The following KATNAL1 variants were observed in gnomAD, a reference collection of about 807,000 sequenced individuals.
The protein encoded by KATNAL1 is katanin p60 ATPase-containing subunit A-like 1.
In KATNAL1, 32 loss-of-function variants were observed where a neutral mutation model predicts 55.2. The ratio of observed to expected loss-of-function variants is 0.58; its 90% CI spans 0.44 to 0.78. The LOEUF is 0.78. Among genes scored for constraint, KATNAL1 ranks in the 30% least tolerant of loss-of-function variants. The pLI is 0.00. For synonymous variants in KATNAL1, 193 were observed against 193.6 expected (o/e 1.00, Z 0.02); for missense variants, 466 against 600.9 (o/e 0.78, Z 2.35).
At chr13:30,246,275 C>G (rs954052743) in intron 4 of KATNAL1, among the ~76,000 whole-genome samples, 1 of 152,108 alleles carries the variant, frequency 6.6e-6, no homozygotes, top group East Asian at 1.9e-4. Context: ...ACAAACCTGA[C>G]AAAAACAAGC....
At chr13:30,212,463 C>T (rs1260378130) in intron 9 of KATNAL1, among the ~76,000 whole-genome samples, 2 of 152,210 alleles carry the variant, frequency 1.3e-5, no homozygotes, top group East Asian at 1.9e-4. Flanking sequence ...TGCCCTTGGC[C>T]GGCGTGGGAT....
Position 30,231,480 on chromosome 13 carries a change from T to C in KATNAL1, c.727-8A>G. 6.7e-7 allele frequency: 1 copy of C among 1,493,968 alleles called. No homozygotes were observed. Among genetic ancestry groups the C allele is most frequent in the South Asian group, 1.5e-5 (1 of 68,534 alleles). 92.5% of individuals were successfully genotyped at this position (1,493,968 alleles called of 1,614,324 possible). A position where few individuals can be genotyped will look rare whatever the true frequency, so the allele number is the denominator to read the frequency against. On this transcript the variant is annotated splice_polypyrimidine_tract_variant and splice_region_variant and intron_variant, in intron 6 of 10. Transcript: ENST00000380615. Reference sequence around the variant, plus strand: ...TCCAACCATCAGTACACCCTGAAATTTCAAAAGACAAATTAAATGATTTAT... The same window carrying C: ...TCCAACCATCAGTACACCCTGAAATCTCAAAAGACAAATTAAATGATTTAT...
chr13:30,225,380 A>G (rs1219281613), intron 9 of KATNAL1, among the ~76,000 whole-genome samples: 1 of 152,148 alleles, frequency 6.6e-6, no homozygotes, highest in Non-Finnish European at 1.5e-5. Context: ...AAATCCAAAC[A>G]AATCTGACAA....
At chr13:30,270,391 C>T (rs1324469129) in intron 3 of KATNAL1, among the ~76,000 whole-genome samples, 3 of 152,096 alleles carry the variant, frequency 2.0e-5, no homozygotes, top group African/African-American at 4.8e-5. Flanking sequence ...AGGAGCCCCT[C>T]TGCCCGGCCA....
intron 9 of KATNAL1, among the ~76,000 whole-genome samples, chr13:30,225,653 C>A (rs1243406899): frequency 3.7e-5 from 1 of 27,210 alleles, no homozygotes; most frequent in Non-Finnish European, 1.3e-4. Context: ...CATCTACACA[C>A]ACACACACAC....
chr13:30,292,931 T>A (rs1456733428), intron 1 of KATNAL1, among the ~76,000 whole-genome samples: 1 of 152,210 alleles, frequency 6.6e-6, no homozygotes, highest in African/African-American at 2.4e-5. Context: ...TGAAGTCATT[T>A]AAATTCCTAA....
At chr13:30,253,284 C>A (rs1290655785) in intron 4 of KATNAL1, among the ~76,000 whole-genome samples, 1 of 152,164 alleles carries the variant, frequency 6.6e-6, no homozygotes, top group African/African-American at 2.4e-5. Flanking sequence ...TGACTCAGAA[C>A]ATATCTTTTA....
chr13:30,215,998 G>C (rs1395761159), intron 9 of KATNAL1, among the ~76,000 whole-genome samples: 1 of 152,078 alleles, frequency 6.6e-6, no homozygotes, highest in Non-Finnish European at 1.5e-5. Context: ...ATTTGTTATG[G>C]TAGCCCTAGC....
intron 3 of KATNAL1, 116 bp downstream of exon 3, chr13:30,279,947 C>A: frequency 2.4e-6 from 2 of 827,928 alleles, no homozygotes; most frequent in Non-Finnish European, 3.7e-6. Context: ...ATATTAAAAA[C>A]AGATACTGAA....
chr13:30,249,902 A>T (rs1878143176), intron 4 of KATNAL1, among the ~76,000 whole-genome samples: 1 of 152,232 alleles, frequency 6.6e-6, no homozygotes, highest in Admixed American at 6.5e-5. Context: ...TTTGTGAGCC[A>T]GCCGTGAAAT....
At chr13:30,238,640 A>G (rs956752337) in intron 6 of KATNAL1, among the ~76,000 whole-genome samples, 2 of 152,200 alleles carry the variant, frequency 1.3e-5, no homozygotes, top group African/African-American at 4.8e-5. Flanking sequence ...AGCCTTCTTT[A>G]ATCATGTCAT....
chr13:30,221,987 G>T (rs1292860847), intron 9 of KATNAL1, among the ~76,000 whole-genome samples: 2 of 152,164 alleles, frequency 1.3e-5, no homozygotes, highest in Non-Finnish European at 2.9e-5. Flanking sequence ...GGAGGCGGAG[G>T]TTGCAGTGAG....
chr13:30,228,529 A>G (rs746491261), intron 8 of KATNAL1, among the ~76,000 whole-genome samples: 1 of 152,224 alleles, frequency 6.6e-6, no homozygotes, highest in Non-Finnish European at 1.5e-5. Flanking sequence ...ATTTGTATTC[A>G]GTGATTTCCT....
intron 9 of KATNAL1, among the ~76,000 whole-genome samples, chr13:30,227,116 C>CTT (rs1875570638): frequency 6.6e-6 from 1 of 151,210 alleles, no homozygotes; most frequent in Non-Finnish European, 1.5e-5. Flanking sequence ...CACACACACT[C>CTT]TCTCTCTCTC....
chr13:30,244,512 C>T (rs895623050), intron 4 of KATNAL1, among the ~76,000 whole-genome samples: 1 of 152,162 alleles, frequency 6.6e-6, no homozygotes, highest in African/African-American at 2.4e-5. Flanking sequence ...CTGTCTTCCA[C>T]AATGGTTGAA....
chr13:30,279,366 T>C (rs1881100329), intron 3 of KATNAL1, among the ~76,000 whole-genome samples: 5 of 152,336 alleles, frequency 3.3e-5, no homozygotes, highest in African/African-American at 1.2e-4. Flanking sequence ...ATAACCACTA[T>C]GAACAAACTG....
intron 9 of KATNAL1, among the ~76,000 whole-genome samples, chr13:30,219,039 G>A (rs1308010689): frequency 2.6e-5 from 4 of 151,956 alleles, no homozygotes; most frequent in Admixed American, 6.6e-5. Flanking sequence ...ATATAAAGAG[G>A]CATTACATCT....
At chr13:30,264,047 A>C (rs1879535784) in intron 3 of KATNAL1, among the ~76,000 whole-genome samples, 1 of 148,908 alleles carries the variant, frequency 6.7e-6, no homozygotes, top group South Asian at 2.1e-4. Context: ...AACGGAACAA[A>C]ACAGAGCCCT....
chr13:30,216,675 G>A (rs1255275837), intron 9 of KATNAL1, among the ~76,000 whole-genome samples: 1 of 152,174 alleles, frequency 6.6e-6, no homozygotes. Context: ...AGTCAGGCTG[G>A]TGGCAGGAGG....
Sources: allele counts gnomAD v4.1 joint callset (sites outside exome capture counted in the v4.1 genomes callset), GRCh38; gene constraint gnomAD v4.1.1; transcripts MANE v1.5; gene names NCBI Gene and HGNC (gene_info 2026-07-23, HGNC 2026-07-21).